The following KLHL1 variants were observed in gnomAD, a reference collection of about 807,000 sequenced individuals.
KLHL1 encodes kelch-like protein 1.
A neutral mutation model predicts 77.7 loss-of-function variants in KLHL1; 47 were observed. That is an observed-to-expected ratio of 0.60 (90% CI 0.48 to 0.77). KLHL1 has a LOEUF of 0.77. KLHL1 is among the 30% of genes least tolerant of loss of function. The pLI, the probability that KLHL1 is intolerant of heterozygous loss-of-function variation, is 0.00. For missense variants in KLHL1, 925 were observed against 910.8 expected, an observed-to-expected ratio of 1.02 and a Z score of -0.20; for synonymous variants, 360 against 325.2, an observed-to-expected ratio of 1.11 and a Z score of -1.15.
At chr13:69,870,585 C>T (rs111298813) in intron 5 of KLHL1, among the ~76,000 whole-genome samples, 2,210 of 151,992 alleles carry the variant, frequency 0.015, 50 homozygotes, top group African/African-American at 0.047. Context: ...AAAAGTCAAG[C>T]CTCATTTGAG....
intron 2 of KLHL1, among the ~76,000 whole-genome samples, chr13:69,962,523 A>G (rs1052990992): frequency 4.6e-5 from 7 of 152,018 alleles, no homozygotes; most frequent in Non-Finnish European, 1.0e-4. Flanking sequence ...CTATATTAAG[A>G]GGAATGCATC....
intron 6 of KLHL1, among the ~76,000 whole-genome samples, 190 bp downstream of exon 6, chr13:69,838,786 A>C (rs191393490): frequency 1.6e-4 from 25 of 152,072 alleles, no homozygotes; most frequent in African/African-American, 5.8e-4. Flanking sequence ...GAAATGAATA[A>C]GGAACTTAAA....
chr13:69,728,260 T>C (rs1454256545), intron 8 of KLHL1, among the ~76,000 whole-genome samples: 2 of 152,112 alleles, frequency 1.3e-5, no homozygotes, highest in Non-Finnish European at 2.9e-5. Context: ...GAAGGCACTA[T>C]GCAAGTGATG....
intron 6 of KLHL1, among the ~76,000 whole-genome samples, chr13:69,832,028 A>G (rs1353243688): frequency 6.7e-6 from 1 of 150,116 alleles, no homozygotes; most frequent in African/African-American, 2.5e-5. Flanking sequence ...ATTCCCCCTG[A>G]GAAGTGGAAC....
At chr13:69,782,138 A>AGAT (rs1407427946) in intron 7 of KLHL1, among the ~76,000 whole-genome samples, 1 of 152,210 alleles carries the variant, frequency 6.6e-6, no homozygotes, top group African/African-American at 2.4e-5. Flanking sequence ...CTCTCTTGGA[A>AGAT]GATGAATTAT....
intron 7 of KLHL1, among the ~76,000 whole-genome samples, chr13:69,789,113 AT>A (rs1413295611): frequency 6.6e-6 from 1 of 151,770 alleles, no homozygotes; most frequent in Admixed American, 6.6e-5. Flanking sequence ...CTATATTAAA[AT>A]CTGTATCTAT....
chr13:69,731,896 A>G (rs918751167), intron 8 of KLHL1, among the ~76,000 whole-genome samples: 2 of 152,148 alleles, frequency 1.3e-5, no homozygotes, highest in Non-Finnish European at 2.9e-5. Context: ...ACAAAGTAAA[A>G]CAAAGCATGT....
At chr13:69,939,378 T>TATATATATATATATATACAC (rs1200160699) in intron 4 of KLHL1, among the ~76,000 whole-genome samples, 64 of 70,688 alleles carry the variant, frequency 9.1e-4, no homozygotes, top group Middle Eastern at 7.9e-3. Context: ...TATATATATA[T>TATATATATATATATATACAC]ACACACACAC....
intron 9 of KLHL1, among the ~76,000 whole-genome samples, chr13:69,712,576 A>T (rs2137881806): frequency 6.6e-6 from 1 of 152,120 alleles, no homozygotes; most frequent in South Asian, 2.1e-4. Context: ...GTCTAGTTAA[A>T]ATAATTTAAT....
intron 8 of KLHL1, among the ~76,000 whole-genome samples, chr13:69,725,611 A>G (rs371380264): frequency 5.3e-5 from 8 of 152,306 alleles, no homozygotes; most frequent in African/African-American, 1.9e-4. Context: ...TTCATACTCT[A>G]TCAGGCTTCA....
In KLHL1 at chr13:69,973,103, T is replaced by C. The variant is rs995380221; in HGVS notation, c.680+2517A>G. Among the ~76,000 whole-genome samples, 9 of 151,956 alleles carry C rather than the reference T, an allele frequency of 5.9e-5. No homozygotes were observed. The East Asian group carries it at 1.3e-3, about 23-fold the overall frequency. On this transcript the variant is annotated intron_variant, in intron 2 of 10. Transcript: ENST00000377844. ...TATTTTTCATGCAGAAATATATTAA[T>C]GGGTTATCTGAAATATTATTAGCCT...
At chr13:69,867,953 GTAAC>G (rs1880434058) in intron 5 of KLHL1, among the ~76,000 whole-genome samples, 2 of 151,922 alleles carry the variant, frequency 1.3e-5, no homozygotes, top group African/African-American at 4.8e-5. Context: ...GTATACATAT[GTAAC>G]TAACCTGCAC....
chr13:70,064,097 G>A (rs925958116), intron 1 of KLHL1, among the ~76,000 whole-genome samples: 1 of 152,032 alleles, frequency 6.6e-6, no homozygotes, highest in Non-Finnish European at 1.5e-5. Context: ...ACAAAGACAG[G>A]CTGAACAAAT....
chr13:70,006,077 T>A (rs2137331221), intron 1 of KLHL1, among the ~76,000 whole-genome samples: 1 of 152,184 alleles, frequency 6.6e-6, no homozygotes, highest in South Asian at 2.1e-4. Context: ...GTTTGACTAT[T>A]TTAGATTCAT....
At chr13:69,768,068 TTTC>T (rs1875390524) in intron 7 of KLHL1, among the ~76,000 whole-genome samples, 2 of 152,210 alleles carry the variant, frequency 1.3e-5, no homozygotes, top group African/African-American at 4.8e-5. Flanking sequence ...TCACATGATA[TTTC>T]TTATGTTGCA....
At chr13:70,089,003 A>G (rs569363415) in intron 1 of KLHL1, among the ~76,000 whole-genome samples, 50 of 152,320 alleles carry the variant, frequency 3.3e-4, no homozygotes, top group African/African-American at 1.2e-3. Context: ...CTAGAAAATC[A>G]GAAAACCCAG....
chr13:69,755,285 G>A (rs1465790438), intron 7 of KLHL1, among the ~76,000 whole-genome samples: 3 of 151,786 alleles, frequency 2.0e-5, no homozygotes, highest in Non-Finnish European at 4.4e-5. Context: ...TGGGATGAAG[G>A]AAAAGAGGAA....
chr13:69,731,431 A>T (rs1873537789), intron 8 of KLHL1, among the ~76,000 whole-genome samples: 2 of 152,206 alleles, frequency 1.3e-5, no homozygotes, highest in Admixed American at 1.3e-4. Context: ...CAAGCAGCCC[A>T]TCACTATAGG....
chr13:69,769,691 A>C lies in KLHL1; in HGVS notation c.1639+27047T>G, dbSNP rs1467130894. On this transcript the variant is annotated intron_variant, in intron 7 of 10. Transcript: ENST00000377844. Reference sequence around the variant, plus strand: ...AAAAGCCCAGGACTCAGCCACACACACAGCTACCCTCTTTGGGCCCCCTTT... The same window carrying C: ...AAAAGCCCAGGACTCAGCCACACACCCAGCTACCCTCTTTGGGCCCCCTTT... 3.9e-5 allele frequency among the ~76,000 whole-genome samples: 6 copies of C among 152,060 alleles called. No individual in the cohort carries two copies. In the East Asian group the frequency reaches 7.7e-4, roughly 20 times the overall value.
Sources: allele counts gnomAD v4.1 joint callset (sites outside exome capture counted in the v4.1 genomes callset), GRCh38; gene constraint gnomAD v4.1.1; transcripts MANE v1.5; gene names NCBI Gene and HGNC (gene_info 2026-07-23, HGNC 2026-07-21).